The following FXR1 variants were observed in gnomAD, a reference collection of about 807,000 sequenced individuals.
FXR1 encodes the protein RNA-binding protein FXR1.
Under a neutral mutation model 84.0 loss-of-function variants are expected in FXR1, and 15 were observed. That is an observed-to-expected ratio of 0.18 (90% CI 0.12 to 0.27). The LOEUF (loss-of-function observed/expected upper bound fraction) is 0.27. Ranked by LOEUF, FXR1 falls within the 10% of genes least tolerant of loss-of-function variation. FXR1 has a pLI of 1.00. For missense variants in FXR1, 480 were observed against 774.4 expected (o/e 0.62, Z 4.51); for synonymous variants, 245 against 250.7 (o/e 0.98, Z 0.21).
chr3:180,932,077 A>AAAAAAAAAC (rs917415084), intron 1 of FXR1, among the ~76,000 whole-genome samples: 7 of 138,806 alleles, frequency 5.0e-5, no homozygotes, highest in African/African-American at 1.9e-4. Flanking sequence ...GTAAGTTTCA[A>AAAAAAAAAC]AAAAAAAAAA....
chr3:180,932,106 T>G (rs1156321519), intron 1 of FXR1, among the ~76,000 whole-genome samples: 1 of 151,554 alleles, frequency 6.6e-6, no homozygotes, highest in Non-Finnish European at 1.5e-5. Context: ...TTTTTGTTGT[T>G]GTAAGTTGCC....
rs1049257853 is a variant in FXR1, at chr3:180,980,955, AT to A, written c.*4666del. ...TTTTTTTTTACTTTGTTTACATAAA[AT>A]TTACAGGGTTTTGTTTTTTTAAGCT... On this transcript the variant is annotated 3_prime_UTR_variant, in exon 17 of 17. Coordinates refer to ENST00000357559, the MANE Select transcript of FXR1 (RefSeq NM_005087.4). 1.3e-5 allele frequency: 2 copies of A among 151,984 alleles called. No individual in the cohort carries two copies. The highest frequency in any genetic ancestry group is 4.8e-5 in the African/African-American group (2 of 41,424). The allele number at this position is 151,984 out of a possible 1,614,324, so 9.4% of individuals were successfully genotyped here.
At chr3:180,975,176 G>C in intron 15 of FXR1, 137 bp from the exon 16 acceptor site, 1 of 427,090 alleles carries the variant, frequency 2.3e-6, no homozygotes, top group Non-Finnish European at 4.3e-6. Flanking sequence ...GTTTTTGGTT[G>C]GAGGTGATAC....
chr3:180,928,721 CTGT>C (rs544121633), intron 1 of FXR1, among the ~76,000 whole-genome samples: 5 of 151,754 alleles, frequency 3.3e-5, no homozygotes, highest in Admixed American at 6.6e-5. Flanking sequence ...TTACAGCTGC[CTGT>C]TGTTTACATG....
intron 1 of FXR1, chr3:180,914,625 G>C (rs1039355814): frequency 3.9e-6 from 1 of 256,240 alleles, no homozygotes; most frequent in Non-Finnish European, 6.1e-6. Context: ...TCTTACTTTG[G>C]TTTCTCACGG....
At chr3:180,959,305 A>G (rs1476697409) in intron 10 of FXR1, among the ~76,000 whole-genome samples, 1 of 149,790 alleles carries the variant, frequency 6.7e-6, no homozygotes, top group South Asian at 2.1e-4. Context: ...TTTTTTGGTC[A>G]TATCATTAAT....
At chr3:180,947,800 A>C (rs1447116933) in intron 3 of FXR1, 65 bp from the exon 4 acceptor site, 1 of 783,530 alleles carries the variant, frequency 1.3e-6, no homozygotes, top group African/African-American at 1.7e-5. Flanking sequence ...GTATTAATAA[A>C]AAGTCATTTA....
At chr3:180,940,585 C>T (rs57063254) in intron 3 of FXR1, among the ~76,000 whole-genome samples, 28,541 of 146,622 alleles carry the variant, frequency 0.19, 2,855 homozygotes, top group South Asian at 0.25. Flanking sequence ...TTTCTGTTTT[C>T]TTTTTTTTTT....
chr3:180,925,500 G>A (rs960341691), intron 1 of FXR1, among the ~76,000 whole-genome samples: 8 of 151,978 alleles, frequency 5.3e-5, no homozygotes, highest in Non-Finnish European at 1.0e-4. Context: ...ATAAGAAACC[G>A]CGGTCATTCC....
At chr3:180,951,011 G>A (rs1000967662) in intron 7 of FXR1, among the ~76,000 whole-genome samples, 1 of 151,864 alleles carries the variant, frequency 6.6e-6, no homozygotes, top group African/African-American at 2.4e-5. Context: ...CCAAAAGTTC[G>A]AGACCAGCCT....
At chr3:180,976,082 C>T (rs1714204023) in intron 16 of FXR1, 40 bp from the exon 17 acceptor site, 7 of 1,521,296 alleles carry the variant, frequency 4.6e-6, no homozygotes, top group Non-Finnish European at 5.4e-6. Context: ...CTATAGATTT[C>T]ATTTATAAAG....
intron 15 of FXR1, among the ~76,000 whole-genome samples, chr3:180,974,669 C>T (rs900280487): frequency 6.6e-6 from 1 of 152,058 alleles, no homozygotes; most frequent in Non-Finnish European, 1.5e-5. Flanking sequence ...ATTGAATACA[C>T]TCTGGACCTT....
At chr3:180,937,054 T>A (rs1397059721) in intron 3 of FXR1, among the ~76,000 whole-genome samples, 1 of 152,228 alleles carries the variant, frequency 6.6e-6, no homozygotes, top group African/African-American at 2.4e-5. Context: ...TGTGTTCATT[T>A]GGACTTTAGA....
chr3:180,947,720 CT>C (rs1721842632), intron 3 of FXR1, 144 bp from the exon 4 acceptor site: 1 of 441,560 alleles, frequency 2.3e-6, no homozygotes, highest in South Asian at 7.5e-5. Flanking sequence ...ATATCACTTT[CT>C]TTAAATTGCA....
intron 1 of FXR1, among the ~76,000 whole-genome samples, chr3:180,928,535 G>T (rs1719502235): frequency 1.3e-5 from 2 of 151,786 alleles, no homozygotes; most frequent in South Asian, 4.2e-4. Context: ...TAATATCAAG[G>T]TGTCTAAGAA....
intron 1 of FXR1, among the ~76,000 whole-genome samples, chr3:180,927,157 G>T (rs1310396736): frequency 6.6e-6 from 1 of 152,024 alleles, no homozygotes; most frequent in Admixed American, 6.5e-5. Flanking sequence ...ATTACTACCA[G>T]ACTCAATCTT....
rs1355270141 is a variant in FXR1, at chr3:180,978,699, TTAAAG to T, written c.*2408_*2412del. 6 of 152,054 alleles carry T rather than the reference TTAAAG, an allele frequency of 3.9e-5. No homozygotes were observed. The highest frequency in any genetic ancestry group is 2.1e-4 in the South Asian group (1 of 4,828). 9.4% of individuals were successfully genotyped at this position (152,054 alleles called of 1,614,324 possible). A position where few individuals can be genotyped will look rare whatever the true frequency, so the allele number is the denominator to read the frequency against. The stretch of plus-strand genomic sequence containing the variant: ...CAGTTCTGGGCCACTGAGACCCTCT[TTAAAG>T]AGAAGGAAAAAAAGGTATTCTGGAA... On this transcript the variant is annotated 3_prime_UTR_variant, in exon 17 of 17. Transcript: ENST00000357559.
At chr3:180,961,068 C>T (rs1010425054) in intron 10 of FXR1, among the ~76,000 whole-genome samples, 4 of 151,970 alleles carry the variant, frequency 2.6e-5, no homozygotes, top group Non-Finnish European at 1.5e-5. Flanking sequence ...CAGTGGCTCA[C>T]GCCTGTAACC....
rs983586154 is a variant in FXR1 at position 180,979,811 on chromosome 3, G to A, written c.*3519G>A. The A allele has an allele frequency of 1.3e-5, 2 of 152,104 alleles. No individual in the cohort carries two copies. The highest frequency in any genetic ancestry group is 2.9e-5 in the Non-Finnish European group (2 of 67,908). 9.4% of individuals were successfully genotyped at this position (152,104 alleles called of 1,614,324 possible). A position where few individuals can be genotyped will look rare whatever the true frequency, so the allele number is the denominator to read the frequency against. ...ACTATTAACAGTTTCTTATGGTTCA[G>A]TCTAATTACAAATTTTTAAAAAGTT... On this transcript the variant is annotated 3_prime_UTR_variant, in exon 17 of 17. Coordinates refer to ENST00000357559, the MANE Select transcript of FXR1 (RefSeq NM_005087.4).
Sources: allele counts gnomAD v4.1 joint callset (sites outside exome capture counted in the v4.1 genomes callset), GRCh38; gene constraint gnomAD v4.1.1; transcripts MANE v1.5; gene names NCBI Gene and HGNC (gene_info 2026-07-23, HGNC 2026-07-21).